CYRIB: variants seen among roughly 807,000 people sequenced by gnomAD.
CYRIB encodes CYFIP-related Rac1 interactor B.
CYRIB carries 8 observed loss-of-function variants against 44.2 expected under a neutral mutation model. That is an observed-to-expected ratio of 0.18 (90% confidence interval 0.11 to 0.33). CYRIB has a LOEUF of 0.33. Ranked by LOEUF, CYRIB falls within the 10% of genes least tolerant of loss-of-function variation. The pLI, the probability that CYRIB is intolerant of heterozygous loss-of-function variation, is 1.00. For synonymous variants in CYRIB, 131 were observed against 127.2 expected (o/e 1.03, Z -0.20); for missense variants, 185 against 382.8 (o/e 0.48, Z 4.31).
In CYRIB at chr8:129,980,556, C is replaced by T. The variant is rs538283024; in HGVS notation, c.-295-9561G>A. 3.1e-3 allele frequency among the ~76,000 whole-genome samples: 472 copies of T among 151,318 alleles called. 3 individuals carry two copies. Among genetic ancestry groups the T allele is most frequent in the African/African-American group, 0.011 (451 of 41,224 alleles). On this transcript the variant is annotated intron_variant, in intron 1 of 14. Coordinates refer to the CYRIB transcript ENST00000401979. ...GCTCACGCCTGTAATCCCAGGTACT[C>T]GGGAGGCTGAGGCAGGAGAATCACT...
chr8:129,921,251 A>G (rs775507943), intron 1 of CYRIB, among the ~76,000 whole-genome samples: 1 of 152,226 alleles, frequency 6.6e-6, no homozygotes, highest in African/African-American at 2.4e-5. Flanking sequence ...TTTGAGATTC[A>G]TAACAATTTA....
In CYRIB at chr8:129,891,051, T is replaced by C. The variant is rs1481576854; in HGVS notation, c.-10-11580A>G. Among the ~76,000 whole-genome samples, 3 of 152,200 alleles carry C rather than the reference T, an allele frequency of 2.0e-5. No individual in the cohort carries two copies. In the East Asian group the frequency reaches 5.8e-4, roughly 29 times the overall value. ...TAATTTCTTCCAGCAGTAAGACAGC[T>C]AGGGTTCCAAGCTCTAGCTTCTTGT... On this transcript the variant is annotated intron_variant, in intron 2 of 11. Coordinates refer to ENST00000519824, the Ensembl canonical transcript of CYRIB.
At chr8:129,860,569 C>A (rs1186614658) in intron 5 of CYRIB, among the ~76,000 whole-genome samples, 1 of 152,124 alleles carries the variant, frequency 6.6e-6, no homozygotes, top group African/African-American at 2.4e-5. Context: ...AAACTACTGT[C>A]TGTCTTAACA....
At chr8:129,939,507 C>G (rs1256683289) in intron 1 of CYRIB, 1 of 151,684 alleles carries the variant, frequency 6.6e-6, no homozygotes, top group African/African-American at 2.4e-5. Context: ...CGCGCCAGCG[C>G]GGGCCCCGCC....
intron 2 of CYRIB, among the ~76,000 whole-genome samples, chr8:129,893,537 TA>T (rs999971509): frequency 1.8e-4 from 28 of 151,460 alleles, no homozygotes; most frequent in African/African-American, 2.9e-4. Context: ...ACATAAAGTA[TA>T]AAAAAAAATA....
In CYRIB at chr8:129,987,051, T is replaced by C. The variant is rs2096481962; in HGVS notation, c.-295-16056A>G. Among the ~76,000 whole-genome samples the C allele has an allele frequency of 3.3e-5, 5 of 152,282 alleles. No homozygotes were observed. In the South Asian group the frequency reaches 1.0e-3, roughly 32 times the overall value. ...TCTCTCACACTTTGGCTGAAGCCAC[T>C]AGGAAAGGGGTACCTTCCCCCTACC... On this transcript the variant is annotated intron_variant, in intron 1 of 14. Transcript: ENST00000401979.
chr8:129,865,298 T>G (rs2052818991), intron 4 of CYRIB, among the ~76,000 whole-genome samples: 1 of 152,244 alleles, frequency 6.6e-6, no homozygotes, highest in South Asian at 2.1e-4. Flanking sequence ...TAACTAGCTC[T>G]GCAGATTTGT....
At chr8:129,974,306 C>G (rs950333312) in intron 1 of CYRIB, among the ~76,000 whole-genome samples, 1 of 152,138 alleles carries the variant, frequency 6.6e-6, no homozygotes, top group African/African-American at 2.4e-5. Flanking sequence ...TTTAAAGGAG[C>G]AAAACATCGC....
upstream of CYRIB, among the ~76,000 whole-genome samples, chr8:129,942,587 T>C (rs564285689): frequency 9.2e-5 from 14 of 152,292 alleles, no homozygotes; most frequent in Non-Finnish European, 1.5e-4. Flanking sequence ...ATGAATGTGA[T>C]CATATTTTTG....
intron 1 of CYRIB, among the ~76,000 whole-genome samples, chr8:129,907,936 A>C (rs762992933): frequency 6.6e-6 from 1 of 152,228 alleles, no homozygotes; most frequent in Non-Finnish European, 1.5e-5. Flanking sequence ...TGGGAGGCAG[A>C]GATTGCACTG....
chr8:129,851,839 T>G (rs1018335931), intron 8 of CYRIB: 2 of 208,548 alleles, frequency 9.6e-6, no homozygotes, highest in Non-Finnish European at 1.9e-5. Flanking sequence ...TAGGATGACA[T>G]AAGTTGTAAG....
At chr8:129,869,802 A>C (rs2056185514) in intron 4 of CYRIB, among the ~76,000 whole-genome samples, 1 of 152,148 alleles carries the variant, frequency 6.6e-6, no homozygotes, top group Non-Finnish European at 1.5e-5. Context: ...TGATAATAAC[A>C]AAATATATAA....
intron 2 of CYRIB, among the ~76,000 whole-genome samples, chr8:129,950,809 T>C (rs1244687608): frequency 2.0e-5 from 3 of 152,314 alleles, no homozygotes; most frequent in Admixed American, 6.5e-5. Flanking sequence ...TTTCCCACTA[T>C]AGGGAAAGGG....
At chr8:129,868,068 C>T (rs116690997) in intron 4 of CYRIB, among the ~76,000 whole-genome samples, 2,315 of 152,242 alleles carry the variant, frequency 0.015, 69 homozygotes, top group African/African-American at 0.053. Flanking sequence ...TAGTTGGCTG[C>T]TCTAAGTCTT....
At chr8:129,903,331 T>G (rs561879629) in exon 2 of CYRIB, 18 of 152,758 alleles carry the variant, frequency 1.2e-4, no homozygotes, top group Non-Finnish European at 2.4e-4. Context: ...GTGCTGGTGA[T>G]TCTGTCCTTG....
intron 1 of CYRIB, among the ~76,000 whole-genome samples, chr8:130,003,553 CT>C (rs1353130302): frequency 6.6e-6 from 1 of 152,214 alleles, no homozygotes; most frequent in Non-Finnish European, 1.5e-5. Flanking sequence ...ATCTCAGGTG[CT>C]TTTCAGCTCT....
chr8:129,970,287 G>A (rs1196650969), intron 2 of CYRIB, among the ~76,000 whole-genome samples: 2 of 152,064 alleles, frequency 1.3e-5, no homozygotes, highest in Admixed American at 6.6e-5. Context: ...CTAGGAAACC[G>A]GGGGAAAAAA....
chr8:130,011,172 C>T (rs1385465840), intron 1 of CYRIB, among the ~76,000 whole-genome samples: 1 of 152,132 alleles, frequency 6.6e-6, no homozygotes, highest in African/African-American at 2.4e-5. Context: ...GGACTCCTGG[C>T]ACACATTACT....
intron 1 of CYRIB, among the ~76,000 whole-genome samples, chr8:129,997,010 G>A (rs2096782764): frequency 7.3e-6 from 1 of 137,822 alleles, no homozygotes; most frequent in Non-Finnish European, 1.5e-5. Flanking sequence ...TCATGAAATG[G>A]TGTTATGAAA....
Sources: allele counts gnomAD v4.1 joint callset (sites outside exome capture counted in the v4.1 genomes callset), GRCh38; gene constraint gnomAD v4.1.1; transcripts MANE v1.5; gene names NCBI Gene and HGNC (gene_info 2026-07-23, HGNC 2026-07-21).